Variants in FAM171B observed in about 807,000 individuals in gnomAD.
The protein encoded by FAM171B is family with sequence similarity 171 member B.
In FAM171B, 19 loss-of-function variants were observed where a neutral mutation model predicts 75.6. That is an observed-to-expected ratio of 0.25 (90% CI 0.18 to 0.37). The LOEUF (loss-of-function observed/expected upper bound fraction) is 0.37. Ranked by LOEUF, FAM171B falls within the 10% of genes least tolerant of loss-of-function variation. The pLI, the probability that FAM171B is intolerant of heterozygous loss-of-function variation, is 1.00. For missense variants in FAM171B, 848 were observed against 982.4 expected (o/e 0.86, Z 1.83); for synonymous variants, 367 against 361.7 (o/e 1.01, Z -0.17).
At chr2:186,726,979 A>G (rs1690042759) in intron 1 of FAM171B, among the ~76,000 whole-genome samples, 1 of 152,094 alleles carries the variant, frequency 6.6e-6, no homozygotes, top group South Asian at 2.1e-4. Flanking sequence ...TCCTTTTATC[A>G]GGTGCTTGGC....
chr2:186,752,879 T>G (rs967771051), intron 5 of FAM171B, among the ~76,000 whole-genome samples: 3 of 152,196 alleles, frequency 2.0e-5, no homozygotes, highest in Non-Finnish European at 4.4e-5. Context: ...TAAATAAAAC[T>G]TCATAAAAGG....
chr2:186,734,018 A>G (rs928061681), intron 1 of FAM171B, among the ~76,000 whole-genome samples: 6 of 152,156 alleles, frequency 3.9e-5, no homozygotes, highest in Non-Finnish European at 1.5e-5. Context: ...CAGTCCCACC[A>G]TTCAATGGGG....
Position 186,762,849 on chromosome 2 carries a change from G to C in FAM171B, c.*26G>C, listed in dbSNP as rs373213882. 1.2e-4 allele frequency: 194 copies of C among 1,579,034 alleles called. 1 individual carries two copies. In the East Asian group the frequency reaches 1.2e-3, roughly 10 times the overall value. On this transcript the variant is annotated 3_prime_UTR_variant, in exon 8 of 8. Transcript: ENST00000304698. This position sits in a 1 kb window ranked among gnomAD's most constrained non-coding sequence, Gnocchi z 4.0. ...CTCCAATGGGGATTGTGTGTCTGCT[G>C]TCTCGTGCTGTTTATTCTTGCTTCT...
chr2:186,694,114 T>G lies in FAM171B; in HGVS notation c.-60T>G. ...GGGCGCTGCCAGGAGCCCGCAGCCC[T>G]GGCGCCCGCCGCCGCCCGGAGCCCC... On this transcript the variant is annotated 5_prime_UTR_variant, in exon 1 of 8. Coordinates refer to ENST00000304698, the MANE Select transcript of FAM171B (RefSeq NM_177454.4). 1.4e-6 allele frequency: 2 copies of G among 1,421,044 alleles called. No homozygotes were observed. Among genetic ancestry groups the G allele is most frequent in the Non-Finnish European group, 1.8e-6 (2 of 1,096,570 alleles). The allele number at this position is 1,421,044 out of a possible 1,614,324, so 88.0% of individuals were successfully genotyped here.
intron 3 of FAM171B, 143 bp downstream of exon 3, chr2:186,743,718 A>C: frequency 3.5e-6 from 2 of 575,900 alleles, no homozygotes; most frequent in Non-Finnish European, 6.1e-6. Context: ...AGTTGATCTG[A>C]ACTGATATTT....
chr2:186,737,452 G>C (rs965518358), intron 1 of FAM171B, among the ~76,000 whole-genome samples: 10 of 152,142 alleles, frequency 6.6e-5, no homozygotes, highest in African/African-American at 2.4e-4. Context: ...GACCTCCTGG[G>C]CTAAATCATC....
rs115380226 is a variant in FAM171B at position 186,704,301 on chromosome 2, G to A, written c.238+9890G>A. Among the ~76,000 whole-genome samples the A allele has an allele frequency of 5.1e-3, 776 of 152,034 alleles. 2 individuals carry two copies. Among genetic ancestry groups the A allele is most frequent in the Non-Finnish European group, 8.6e-3 (587 of 67,958 alleles). ...CTGATCTAATGCTATTTACAATAAA[G>A]CAATGCCTAATGTTGATTAAAATAT... On this transcript the variant is annotated intron_variant, in intron 1 of 7. Coordinates refer to ENST00000304698, the MANE Select transcript of FAM171B (RefSeq NM_177454.4).
intron 3 of FAM171B, among the ~76,000 whole-genome samples, chr2:186,744,953 C>G (rs2105787614): frequency 6.6e-6 from 1 of 152,002 alleles, no homozygotes; most frequent in East Asian, 1.9e-4. Context: ...ACCTCAGCCT[C>G]CCAAGTAGCT....
intron 1 of FAM171B, among the ~76,000 whole-genome samples, chr2:186,739,857 C>T (rs947170328): frequency 3.9e-5 from 6 of 152,152 alleles, no homozygotes; most frequent in African/African-American, 1.4e-4. Flanking sequence ...TACTTTCATA[C>T]AACTGGCAGC....
At position 186,762,854 on chromosome 2, in the gene FAM171B, G is replaced by A. The variant is rs573722288; in HGVS notation, c.*31G>A. 232 of 1,575,706 alleles carry A rather than the reference G, an allele frequency of 1.5e-4. No individual in the cohort carries two copies. The South Asian group carries it at 1.5e-3, about 10-fold the overall frequency. Reference sequence around the variant, plus strand: ...ATGGGGATTGTGTGTCTGCTGTCTCGTGCTGTTTATTCTTGCTTCTTGTTG... The same window carrying A: ...ATGGGGATTGTGTGTCTGCTGTCTCATGCTGTTTATTCTTGCTTCTTGTTG... On this transcript the variant is annotated 3_prime_UTR_variant, in exon 8 of 8. Coordinates refer to ENST00000304698, the MANE Select transcript of FAM171B (RefSeq NM_177454.4). This position sits in a 1 kb window ranked among gnomAD's most constrained non-coding sequence, Gnocchi z 4.0.
At chr2:186,754,288 G>A (rs1316667988) in intron 6 of FAM171B, among the ~76,000 whole-genome samples, 1 of 152,082 alleles carries the variant, frequency 6.6e-6, no homozygotes. Context: ...TTCAAATCAA[G>A]TATTTTCTTA....
At chr2:186,698,704 G>A (rs1689614884) in intron 1 of FAM171B, among the ~76,000 whole-genome samples, 1 of 152,070 alleles carries the variant, frequency 6.6e-6, no homozygotes, top group African/African-American at 2.4e-5. Flanking sequence ...TTACCCTGTT[G>A]TGCTATCAAG....
chr2:186,742,786 G>T (rs1232205446), intron 2 of FAM171B, among the ~76,000 whole-genome samples: 1 of 152,120 alleles, frequency 6.6e-6, no homozygotes, highest in Non-Finnish European at 1.5e-5. Flanking sequence ...AGTTTGATTT[G>T]ATCTTGCTTA....
chr2:186,702,560 C>T (rs541911351), intron 1 of FAM171B, among the ~76,000 whole-genome samples: 4 of 152,010 alleles, frequency 2.6e-5, no homozygotes, highest in African/African-American at 4.8e-5. Context: ...TATGATTGTT[C>T]GTGTCACAAT....
rs373213882 is a variant in FAM171B at position 186,762,849 on chromosome 2, G to A, written c.*26G>A. ...CTCCAATGGGGATTGTGTGTCTGCT[G>A]TCTCGTGCTGTTTATTCTTGCTTCT... On this transcript the variant is annotated 3_prime_UTR_variant, in exon 8 of 8. Transcript: ENST00000304698. The surrounding 1 kb of genome is among the most constrained non-coding windows in gnomAD (Gnocchi z 4.0). 221 of 1,579,152 alleles carry A rather than the reference G, an allele frequency of 1.4e-4. 6 individuals carry two copies. The South Asian group carries it at 2.3e-3, about 17-fold the overall frequency.
At chr2:186,743,820 A>G (rs1690328248) in intron 3 of FAM171B, among the ~76,000 whole-genome samples, 1 of 152,144 alleles carries the variant, frequency 6.6e-6, no homozygotes, top group Non-Finnish European at 1.5e-5. Flanking sequence ...CACTGTAGAG[A>G]ACTTCTGTTC....
intron 1 of FAM171B, among the ~76,000 whole-genome samples, chr2:186,696,858 G>T (rs974718153): frequency 1.2e-5 from 1 of 81,956 alleles, no homozygotes; most frequent in African/African-American, 3.9e-5. Flanking sequence ...ATTATTCTCA[G>T]CTGTTCTAAT....
intron 2 of FAM171B, among the ~76,000 whole-genome samples, 166 bp from the exon 3 acceptor site, chr2:186,743,314 CCAT>C (rs1174931593): frequency 6.6e-6 from 1 of 151,882 alleles, no homozygotes; most frequent in Non-Finnish European, 1.5e-5. Context: ...CTTTTTTCCT[CCAT>C]CATATTTTAC....
At chr2:186,704,899 G>C (rs1689713102) in intron 1 of FAM171B, among the ~76,000 whole-genome samples, 1 of 152,188 alleles carries the variant, frequency 6.6e-6, no homozygotes, top group Non-Finnish European at 1.5e-5. Context: ...GAGGAGGAAG[G>C]ACCTCCCAAG....
Sources: gnomAD v4.1 joint callset for allele counts (sites outside exome capture counted in the v4.1 genomes callset) on GRCh38, gnomAD v4.1.1 for gene constraint, Gnocchi (gnomAD v3.1) non-coding constraint, MANE v1.5 for transcripts, NCBI Gene and HGNC (gene_info 2026-07-23, HGNC 2026-07-21) for gene names.